The following MYO1D variants were observed in gnomAD, a reference collection of about 807,000 sequenced individuals.
The protein encoded by MYO1D is unconventional myosin-Id.
A neutral mutation model predicts 122.0 loss-of-function variants in MYO1D; 83 were observed. The observed-to-expected ratio is 0.68, with a 90% CI of 0.57 to 0.82. The LOEUF (loss-of-function observed/expected upper bound fraction) is 0.82. Among genes scored for constraint, MYO1D ranks in the 40% least tolerant of loss-of-function variants. The pLI is 0.00. For synonymous variants in MYO1D, 464 were observed against 446.9 expected (o/e 1.04, Z -0.48); for missense variants, 1,157 against 1,269.5 (o/e 0.91, Z 1.35).
intron 19 of MYO1D, among the ~76,000 whole-genome samples, chr17:32,647,102 T>C (rs1397911436): frequency 1.3e-5 from 2 of 152,210 alleles, no homozygotes; most frequent in Non-Finnish European, 2.9e-5. Flanking sequence ...GATCTGTCTA[T>C]AGGTTTAGTC....
intron 21 of MYO1D, among the ~76,000 whole-genome samples, chr17:32,558,731 T>C (rs1175331465): frequency 6.6e-6 from 1 of 152,202 alleles, no homozygotes; most frequent in African/African-American, 2.4e-5. Flanking sequence ...TTTTAAATAT[T>C]TTACTTCCTC....
chr17:32,760,384 T>C lies in MYO1D; in HGVS notation c.1202A>G (p.Asn401Ser). The C allele has an allele frequency of 6.2e-7, 1 of 1,611,718 alleles. No homozygotes were observed. The highest frequency in any genetic ancestry group is 8.5e-7 in the Non-Finnish European group (1 of 1,178,146). ...DNNSFEQFCI[N>S]YCNEKLQQLF... is the part of the protein sequence containing the mutation. ...CTGCTGCAGTTTCTCATTGCAGTAA[T>C]TGATACAGAATTGTTCAAAACTACA... The change falls in exon 10 of 22, where the codon AAT becomes AGT. Residue 401 changes from asparagine (N) to serine (S), a missense_variant. Physicochemically the swap from Asn to Ser is conservative, Grantham distance 46. Coordinates refer to ENST00000318217, the MANE Select transcript of MYO1D (RefSeq NM_015194.3).
intron 1 of MYO1D, among the ~76,000 whole-genome samples, chr17:32,830,720 AT>A (rs2090763987): frequency 6.6e-6 from 1 of 152,278 alleles, no homozygotes; most frequent in Non-Finnish European, 1.5e-5. Flanking sequence ...GGGTTTTTAA[AT>A]TTTTCCTAAT....
chr17:32,645,785 AT>A (rs1467528367), intron 19 of MYO1D, among the ~76,000 whole-genome samples: 1 of 152,082 alleles, frequency 6.6e-6, no homozygotes, highest in Non-Finnish European at 1.5e-5. Context: ...TGCATTGGTT[AT>A]TCTAGTTAGC....
At chr17:32,656,618 A>G (rs1019999679) in intron 17 of MYO1D, among the ~76,000 whole-genome samples, 1 of 152,214 alleles carries the variant, frequency 6.6e-6, no homozygotes, top group African/African-American at 2.4e-5. Context: ...ACAACCATGA[A>G]GAAGTCATGG....
At chr17:32,767,585 C>A (rs2090070358) in intron 7 of MYO1D, 51 bp downstream of exon 7, 2 of 1,181,438 alleles carry the variant, frequency 1.7e-6, no homozygotes, top group Non-Finnish European at 1.2e-6. Context: ...TCTGAGAAAG[C>A]ATCCTGTTCT....
intron 16 of MYO1D, among the ~76,000 whole-genome samples, chr17:32,685,813 C>T (rs374104889): frequency 6.6e-6 from 1 of 152,180 alleles, no homozygotes; most frequent in Non-Finnish European, 1.5e-5. Context: ...TACAGAGAAC[C>T]CCATGCTCGG....
intron 1 of MYO1D, among the ~76,000 whole-genome samples, chr17:32,802,443 A>G (rs1014880335): frequency 1.3e-5 from 2 of 152,228 alleles, no homozygotes; most frequent in African/African-American, 4.8e-5. Context: ...ATAACTTGTA[A>G]AACATGGTAT....
chr17:32,785,514 C>CG (rs1041610982), intron 1 of MYO1D, among the ~76,000 whole-genome samples: 1 of 152,134 alleles, frequency 6.6e-6, no homozygotes, highest in Non-Finnish European at 1.5e-5. Flanking sequence ...AGGTGTCCAT[C>CG]TACCCATGCC....
chr17:32,641,812 T>A (rs1415511020), intron 19 of MYO1D, among the ~76,000 whole-genome samples: 2 of 152,184 alleles, frequency 1.3e-5, no homozygotes, highest in Admixed American at 6.5e-5. Context: ...TTTGAGTTCT[T>A]TGTAGATTCT....
intron 14 of MYO1D, 70 bp downstream of exon 14, chr17:32,738,183 T>C: frequency 1.3e-5 from 17 of 1,344,596 alleles, no homozygotes; most frequent in Non-Finnish European, 1.6e-5. Context: ...AAATCATACA[T>C]ACATTCTTTA....
At chr17:32,561,375 T>A (rs2087124223) in intron 21 of MYO1D, among the ~76,000 whole-genome samples, 2 of 152,042 alleles carry the variant, frequency 1.3e-5, no homozygotes, top group African/African-American at 4.8e-5. Flanking sequence ...ATTCTAAAAT[T>A]CATACATGTT....
chr17:32,499,735 G>C (rs1909251530), intron 21 of MYO1D, among the ~76,000 whole-genome samples: 1 of 152,130 alleles, frequency 6.6e-6, no homozygotes, highest in Non-Finnish European at 1.5e-5. Context: ...GAAGCCGGCA[G>C]ATTGCTTGAG....
intron 11 of MYO1D, among the ~76,000 whole-genome samples, chr17:32,749,982 A>C (rs1441645850): frequency 6.6e-6 from 1 of 152,208 alleles, no homozygotes; most frequent in Non-Finnish European, 1.5e-5. Context: ...TTGGCCCAAG[A>C]TCACATAGCT....
chr17:32,728,587 A>G (rs2089602485), intron 14 of MYO1D, among the ~76,000 whole-genome samples: 1 of 152,258 alleles, frequency 6.6e-6, no homozygotes, highest in East Asian at 1.9e-4. Flanking sequence ...CACACAGAGT[A>G]TGTCTTTTGA....
chr17:32,771,261 A>G, intron 5 of MYO1D, 41 bp from the exon 6 acceptor site: 1 of 1,401,944 alleles, frequency 7.1e-7, no homozygotes, highest in South Asian at 1.2e-5. Flanking sequence ...CCAGACATAC[A>G]TTGAACCAAA....
At chr17:32,732,414 T>A (rs1254689294) in intron 14 of MYO1D, among the ~76,000 whole-genome samples, 1 of 152,124 alleles carries the variant, frequency 6.6e-6, no homozygotes, top group Non-Finnish European at 1.5e-5. Context: ...TCAGCCAGAC[T>A]CAGGCAGACA....
At chr17:32,725,262 T>C (rs752590686) in intron 14 of MYO1D, among the ~76,000 whole-genome samples, 11 of 152,202 alleles carry the variant, frequency 7.2e-5, no homozygotes, top group Non-Finnish European at 1.6e-4. Flanking sequence ...CTCATGCCTG[T>C]AATCCCAGCC....
intron 20 of MYO1D, among the ~76,000 whole-genome samples, chr17:32,605,851 C>T (rs141519434): frequency 0.024 from 3,604 of 152,036 alleles, 151 homozygotes; most frequent in African/African-American, 0.082. Context: ...GAGGCCAAGG[C>T]GGGCGGATTG....
Sources: allele counts gnomAD v4.1 joint callset (sites outside exome capture counted in the v4.1 genomes callset), GRCh38; gene constraint gnomAD v4.1.1; transcripts MANE v1.5; gene names NCBI Gene and HGNC (gene_info 2026-07-23, HGNC 2026-07-21).